RBFOX1: variants seen among roughly 807,000 people sequenced by gnomAD.
RBFOX1 encodes the protein RNA binding fox-1 homolog 1, also known as RNA binding protein fox-1 homolog 1.
RBFOX1 carries 8 observed loss-of-function variants against 57.7 expected under a neutral mutation model. That is an observed-to-expected ratio of 0.14 (90% CI 0.08 to 0.25). RBFOX1 has a LOEUF of 0.25. Among genes scored for constraint, RBFOX1 ranks in the 10% least tolerant of loss-of-function variants. The probability of loss-of-function intolerance (pLI) is 1.00; values close to 1 mark genes in which losing one functional copy is unlikely to be tolerated. For synonymous variants in RBFOX1, 326 were observed against 222.4 expected (o/e 1.47, Z -4.15); for missense variants, 611 against 548.5 (o/e 1.11, Z -1.14).
intron 14 of RBFOX1, among the ~76,000 whole-genome samples, chr16:7,695,700 A>T (rs17144612): frequency 0.026 from 3,882 of 151,492 alleles, 168 homozygotes; most frequent in African/African-American, 0.085. Context: ...CCCACATTCT[A>T]AACAGCACTA....
intron 3 of RBFOX1, among the ~76,000 whole-genome samples, chr16:5,845,019 C>T (rs1016194639): frequency 6.6e-6 from 1 of 150,862 alleles, no homozygotes; most frequent in Non-Finnish European, 1.5e-5. Context: ...GTAATGAGAA[C>T]CAAAAAGCAT....
At chr16:6,739,138 T>G (rs1440818007) in intron 3 of RBFOX1, among the ~76,000 whole-genome samples, 1 of 150,888 alleles carries the variant, frequency 6.6e-6, no homozygotes, top group Admixed American at 6.6e-5. Context: ...ATAATAAAAA[T>G]TGGAGCAAAA....
intron 3 of RBFOX1, among the ~76,000 whole-genome samples, chr16:5,834,734 C>CATAG (rs751895504): frequency 0.085 from 7,264 of 85,908 alleles, 323 homozygotes; most frequent in African/African-American, 0.16. Context: ...TACATAGATA[C>CATAG]ATACATACAT....
intron 1 of RBFOX1, among the ~76,000 whole-genome samples, 179 bp downstream of exon 1, chr16:6,020,171 C>A (rs922067938): frequency 3.3e-5 from 5 of 151,972 alleles, no homozygotes; most frequent in African/African-American, 7.2e-5. Flanking sequence ...CGTGTCCCCC[C>A]CTACCCCCAG....
At chr16:5,772,624 A>G (rs1340465955) in intron 3 of RBFOX1, among the ~76,000 whole-genome samples, 1 of 152,178 alleles carries the variant, frequency 6.6e-6, no homozygotes, top group Non-Finnish European at 1.5e-5. Flanking sequence ...AGTTGAAAGG[A>G]TGGTGGCGGT....
At chr16:6,229,481 T>A (rs1294588974) in intron 1 of RBFOX1, among the ~76,000 whole-genome samples, 4 of 152,180 alleles carry the variant, frequency 2.6e-5, no homozygotes, top group African/African-American at 9.7e-5. Flanking sequence ...CCCACAATGA[T>A]GTTTGTGAGC....
intron 2 of RBFOX1, among the ~76,000 whole-genome samples, chr16:6,343,284 C>G (rs922368916): frequency 1.3e-5 from 2 of 152,186 alleles, no homozygotes; most frequent in Non-Finnish European, 2.9e-5. Flanking sequence ...TAATCTGTGT[C>G]TTCCCCTACC....
In RBFOX1 at chr16:6,838,437, A is replaced by G. The variant is rs187357986; in HGVS notation, c.-16+183787A>G. The stretch of plus-strand genomic sequence containing the variant: ...TTTATCCAGTCTATTATTGATGGGC[A>G]TTTGGGTTGACTAGCCCTTTTCTAG... On this transcript the variant is annotated intron_variant, in intron 3 of 15. Transcript: ENST00000550418. Among the ~76,000 whole-genome samples the G allele has an allele frequency of 8.2e-4, 125 of 152,292 alleles. 1 individual carries two copies. Among genetic ancestry groups the G allele is most frequent in the South Asian group, 1.7e-3 (8 of 4,824 alleles).
intron 2 of RBFOX1, among the ~76,000 whole-genome samples, chr16:6,593,315 G>A (rs17140665): frequency 0.059 from 9,022 of 152,256 alleles, 873 homozygotes; most frequent in African/African-American, 0.2. Context: ...AGTTTACCAG[G>A]TGGTGTTATA....
At chr16:7,177,218 C>G (rs2081854438) in intron 4 of RBFOX1, among the ~76,000 whole-genome samples, 1 of 152,164 alleles carries the variant, frequency 6.6e-6, no homozygotes, top group South Asian at 2.1e-4. Flanking sequence ...CGCTTCCAAT[C>G]AAAGGGGAAA....
intron 3 of RBFOX1, among the ~76,000 whole-genome samples, chr16:5,826,079 A>ATTCCTTAATATGAATAAGGAATAT (rs2056039066): frequency 1.5e-5 from 2 of 132,068 alleles, no homozygotes; most frequent in African/African-American, 6.1e-5. Context: ...ATAAGGAATA[A>ATTCCTTAATATGAATAAGGAATAT]TATTCCTTAA....
At chr16:7,162,454 G>C (rs975726933) in intron 4 of RBFOX1, among the ~76,000 whole-genome samples, 1 of 151,910 alleles carries the variant, frequency 6.6e-6, no homozygotes, top group Admixed American at 6.6e-5. Flanking sequence ...AGACTTCTGG[G>C]CGCAGTAACT....
intron 2 of RBFOX1, among the ~76,000 whole-genome samples, chr16:6,584,109 C>G (rs2097573305): frequency 6.6e-6 from 1 of 151,738 alleles, no homozygotes; most frequent in Middle Eastern, 3.4e-3. Context: ...AGAAACGTAA[C>G]CAAGTCAGAG....
intron 3 of RBFOX1, among the ~76,000 whole-genome samples, chr16:6,708,042 C>A (rs1046640941): frequency 3.9e-5 from 6 of 152,234 alleles, no homozygotes; most frequent in African/African-American, 1.4e-4. Context: ...AGGCCCTTTT[C>A]CATCGTCTTT....
intron 4 of RBFOX1, among the ~76,000 whole-genome samples, chr16:7,056,610 C>T (rs984366459): frequency 1.3e-5 from 2 of 152,092 alleles, no homozygotes; most frequent in African/African-American, 4.8e-5. Flanking sequence ...CTGTTGTTTC[C>T]CTGAACTATC....
chr16:7,294,446 C>T lies in RBFOX1; in HGVS notation c.28-223701C>T, dbSNP rs2095852162. 3.3e-5 allele frequency among the ~76,000 whole-genome samples: 5 copies of T among 150,912 alleles called. No homozygotes were observed. The South Asian group carries it at 1.0e-3, about 32-fold the overall frequency. On this transcript the variant is annotated intron_variant, in intron 4 of 15. Coordinates refer to ENST00000550418, the MANE Select transcript of RBFOX1 (RefSeq NM_018723.4). ...GTCTCGGGTCTCTTTTGACATATGTCAGTTGGCTGCTCTGATAGAACATTG... is the reference window on the plus strand; with the variant it reads ...GTCTCGGGTCTCTTTTGACATATGTTAGTTGGCTGCTCTGATAGAACATTG...
At chr16:6,846,281 A>T (rs1011625001) in intron 3 of RBFOX1, among the ~76,000 whole-genome samples, 2 of 152,110 alleles carry the variant, frequency 1.3e-5, no homozygotes, top group Non-Finnish European at 2.9e-5. Flanking sequence ...AAGATCCCCA[A>T]TTCCGTGTCA....
intron 3 of RBFOX1, among the ~76,000 whole-genome samples, chr16:5,612,313 C>G (rs1413923738): frequency 6.9e-6 from 1 of 145,472 alleles, no homozygotes; most frequent in Non-Finnish European, 1.5e-5. Flanking sequence ...ACTTTCCCAT[C>G]TACTCATCCA....
At chr16:7,643,091 A>T (rs1350931029) in intron 11 of RBFOX1, among the ~76,000 whole-genome samples, 1 of 152,240 alleles carries the variant, frequency 6.6e-6, no homozygotes, top group Non-Finnish European at 1.5e-5. Context: ...ACAACAGCTA[A>T]CTTTGGGAGG....
Sources: allele counts gnomAD v4.1 joint callset (sites outside exome capture counted in the v4.1 genomes callset), GRCh38; gene constraint gnomAD v4.1.1; transcripts MANE v1.5; gene names NCBI Gene and HGNC (gene_info 2026-07-23, HGNC 2026-07-21).